Variants in CCKAR observed in about 807,000 individuals in gnomAD.
CCKAR encodes cholecystokinin A receptor.
In CCKAR, 21 loss-of-function variants were observed where a neutral mutation model predicts 29.8. The ratio of observed to expected loss-of-function variants is 0.70; its 90% CI spans 0.50 to 1.01. The LOEUF is 1.01. CCKAR is among the 50% of genes least tolerant of loss of function. CCKAR has a pLI of 0.00. For missense variants in CCKAR, 570 were observed against 560.6 expected (o/e 1.02, Z -0.17); for synonymous variants, 238 against 221.3 (o/e 1.08, Z -0.67).
chr4:26,489,318 G>T lies in CCKAR; in HGVS notation c.279C>A (p.Phe93Leu), dbSNP rs199833268. 235 of 1,614,188 alleles carry T rather than the reference G, an allele frequency of 1.5e-4. 2 individuals are homozygous for T. The South Asian group carries it at 1.5e-3, about 10-fold the overall frequency. Residue 93 changes from phenylalanine (F) to leucine (L), a missense_variant, in exon 2 of 5, where the codon TTC (phenylalanine) becomes TTA (leucine). Physicochemically the swap from Phe to Leu is conservative, Grantham distance 22. Coordinates refer to ENST00000295589, the MANE Select transcript of CCKAR (RefSeq NM_000730.3). Reference sequence around the variant, plus strand: ...TGGGGATGAGGTTGAACGGCATGCAGAAGAGACAGAGCATGAGGTCGCTGA... The same window carrying T: ...TGGGGATGAGGTTGAACGGCATGCATAAGAGACAGAGCATGAGGTCGCTGA... ...LAVSDLMLCL[F>L]CMPFNLIPNL... is the part of the protein sequence containing the mutation.
intron 2 of CCKAR, among the ~76,000 whole-genome samples, chr4:26,487,306 T>C (rs992498239): frequency 1.3e-5 from 2 of 152,122 alleles, no homozygotes; most frequent in Admixed American, 1.3e-4. Flanking sequence ...TTCCTTAGAG[T>C]CTTAAAAAAG....
At chr4:26,488,096 T>A (rs1245567481) in intron 2 of CCKAR, among the ~76,000 whole-genome samples, 1 of 152,190 alleles carries the variant, frequency 6.6e-6, no homozygotes, top group African/African-American at 2.4e-5. Context: ...CTAACTCAGT[T>A]CTGCATATTC....
intron 3 of CCKAR, 143 bp from the exon 4 acceptor site, chr4:26,483,426 A>G (rs887935494): frequency 9.0e-6 from 6 of 669,792 alleles, no homozygotes; most frequent in African/African-American, 7.3e-5. Context: ...TGGCAACTTC[A>G]TGTCTGGAGA....
chr4:26,487,848 GA>G (rs1388032310), intron 2 of CCKAR, among the ~76,000 whole-genome samples: 4 of 151,752 alleles, frequency 2.6e-5, no homozygotes, highest in African/African-American at 9.7e-5. Flanking sequence ...ATGGGCCTCG[GA>G]TGTCTACAGT....
chr4:26,489,243 G>T lies in CCKAR; in HGVS notation c.354C>A (p.Thr118=), dbSNP rs746653160. ...CCAGCAGCAACTTACCCATGAAGTA[G>T]GTGGTGGTCTTGCAAACGGCGCTCC... ...IFGSAVCKTT[T]YFMGTSVSVS... Residue 118 remains threonine (T), a synonymous_variant, in exon 2 of 5, where the codon ACC becomes ACA. Coordinates refer to ENST00000295589, the MANE Select transcript of CCKAR (RefSeq NM_000730.3). The T allele has an allele frequency of 4.3e-6, 7 of 1,614,112 alleles. No homozygotes were observed. The South Asian group carries it at 7.7e-5, about 18-fold the overall frequency.
At chr4:26,486,435 T>C (rs1049840367) in intron 2 of CCKAR, among the ~76,000 whole-genome samples, 3 of 152,210 alleles carry the variant, frequency 2.0e-5, no homozygotes. Context: ...TATTTCAAAA[T>C]GCAGCTTGTT....
chr4:26,482,442 C>T (rs1015555156), intron 4 of CCKAR, among the ~76,000 whole-genome samples: 1 of 152,220 alleles, frequency 6.6e-6, no homozygotes, highest in Non-Finnish European at 1.5e-5. Flanking sequence ...TGAATATTCA[C>T]ACTCTTCTCC....
intron 2 of CCKAR, among the ~76,000 whole-genome samples, chr4:26,487,648 G>C (rs2040342): frequency 0.12 from 18,459 of 152,158 alleles, 1,353 homozygotes; most frequent in Non-Finnish European, 0.17. Flanking sequence ...GAATGATGTT[G>C]CTTTTCTTTT....
rs1737512417 is a variant in CCKAR, at chr4:26,489,435, G to C, written c.162C>G (p.Leu54=). 6.2e-7 allele frequency: 1 copy of C among 1,614,032 alleles called. No homozygotes were observed. The highest frequency in any genetic ancestry group is 1.3e-5 in the African/African-American group (1 of 74,930). Residue 54 remains leucine (L), a synonymous_variant, in exon 2 of 5, where the codon CTC becomes CTG. Transcript: ENST00000295589. The part of the protein sequence containing the change: ...QILLYSLIFL[L]SVLGNTLVIT... ...TGACCAGCGTGTTTCCCAGCACGCT[G>C]AGCAGGAATATCAAGGAGTACAAGA...
At chr4:26,483,065 CTT>C (rs1484706448) in intron 4 of CCKAR, 89 bp downstream of exon 4, 1 of 1,334,640 alleles carries the variant, frequency 7.5e-7, no homozygotes, top group Non-Finnish European at 1.0e-6. Flanking sequence ...TTCCAACAAA[CTT>C]TACGTACACT....
chr4:26,482,036 G>C lies in CCKAR; in HGVS notation c.889C>G (p.Arg297Gly). 1 of 1,614,246 alleles carries C rather than the reference G, an allele frequency of 6.2e-7. No homozygotes were observed. Among genetic ancestry groups the C allele is most frequent in the South Asian group, 1.1e-5 (1 of 91,086 alleles). Reference protein sequence around the residue: ...TGSSSRANRIRSNSSAANLMA... With the variant: ...TGSSSRANRIGSNSSAANLMA... ...AGGTTGGCTGCGGAGCTGTTACTCC[G>C]GATGCGGTTGGCCCTGCTGCTGCTG... Residue 297 changes from arginine (R) to glycine (G), a missense_variant, in exon 5 of 5, where the codon CGG becomes GGG. Coordinates refer to ENST00000295589, the MANE Select transcript of CCKAR (RefSeq NM_000730.3).
intron 1 of CCKAR, 48 bp from the exon 2 acceptor site, chr4:26,489,532 C>G: frequency 6.2e-7 from 1 of 1,602,394 alleles, no homozygotes; most frequent in Non-Finnish European, 8.5e-7. Flanking sequence ...GTGATGACAG[C>G]AGAATGCTAA....
intron 1 of CCKAR, among the ~76,000 whole-genome samples, chr4:26,489,758 C>G (rs1401338522): frequency 6.6e-6 from 1 of 152,222 alleles, no homozygotes; most frequent in African/African-American, 2.4e-5. Context: ...TGATCACTTT[C>G]TTTCCTGGCT....
intron 3 of CCKAR, among the ~76,000 whole-genome samples, chr4:26,483,643 C>G (rs765808781): frequency 6.6e-6 from 1 of 152,138 alleles, no homozygotes; most frequent in African/African-American, 2.4e-5. Flanking sequence ...TTACATACAT[C>G]GAGGATTTCT....
intron 2 of CCKAR, among the ~76,000 whole-genome samples, chr4:26,486,226 C>T (rs955408410): frequency 1.3e-5 from 2 of 152,106 alleles, no homozygotes; most frequent in Admixed American, 6.5e-5. Flanking sequence ...TTCATTCTTG[C>T]CCCCACAGAA....
chr4:26,482,104 G>A lies in CCKAR; in HGVS notation c.821C>T (p.Thr274Ile). 1 of 1,614,202 alleles carries A rather than the reference G, an allele frequency of 6.2e-7. No individual in the cohort carries two copies. The change falls in exon 5 of 5, where the codon ACC becomes ATC. Residue 274 changes from threonine to isoleucine, a missense_variant. By Grantham distance (89) the Thr-to-Ile change is moderately conservative. Transcript: ENST00000295589. ...GAGCTCCAGCTTCCTCGGGGGCCTG[G>A]TCTTTTGCAGGTAACACCCATCGCT... The part of the protein sequence containing the change: ...EDSDGCYLQK[T>I]RPPRKLELRQ...
At chr4:26,489,978 A>G (rs1344876628) in intron 1 of CCKAR, among the ~76,000 whole-genome samples, 178 bp downstream of exon 1, 2 of 152,100 alleles carry the variant, frequency 1.3e-5, no homozygotes, top group African/African-American at 4.8e-5. Flanking sequence ...GGGGACAATA[A>G]GAATATTTGA....
intron 4 of CCKAR, 75 bp from the exon 5 acceptor site, chr4:26,482,245 C>T: frequency 1.4e-6 from 2 of 1,430,408 alleles, no homozygotes; most frequent in Non-Finnish European, 9.5e-7. Context: ...CCCCACTCCC[C>T]TCCATCAAGA....
At chr4:26,482,787 T>A (rs1195824097) in intron 4 of CCKAR, among the ~76,000 whole-genome samples, 1 of 151,998 alleles carries the variant, frequency 6.6e-6, no homozygotes, top group Non-Finnish European at 1.5e-5. Context: ...AGGAATCAAA[T>A]CCCCTCCAGT....
Sources: allele counts gnomAD v4.1 joint callset (sites outside exome capture counted in the v4.1 genomes callset), GRCh38; gene constraint gnomAD v4.1.1; transcripts MANE v1.5; gene names NCBI Gene and HGNC (gene_info 2026-07-23, HGNC 2026-07-21).